CGGBP1: variants seen among roughly 807,000 people sequenced by gnomAD.
CGGBP1 encodes the protein CGG triplet repeat binding protein 1.
CGGBP1 carries 4 observed loss-of-function variants against 11.4 expected under a neutral mutation model. That is an observed-to-expected ratio of 0.35 (90% CI 0.17 to 0.80). The LOEUF is 0.80. CGGBP1 is among the 30% of genes least tolerant of loss of function. CGGBP1 has a pLI of 0.52. For synonymous variants in CGGBP1, 76 were observed against 74.1 expected (o/e 1.03, Z -0.13); for missense variants, 135 against 202.1 (o/e 0.67, Z 2.01).
intron 2 of CGGBP1, among the ~76,000 whole-genome samples, chr3:88,121,189 C>G (rs1413671579): frequency 1.3e-5 from 2 of 151,968 alleles, no homozygotes; most frequent in Non-Finnish European, 2.9e-5. Flanking sequence ...AAATGCCTTC[C>G]GTGAATTATG....
chr3:88,091,126 A>G (rs1310748732), intron 2 of CGGBP1, among the ~76,000 whole-genome samples: 1 of 152,202 alleles, frequency 6.6e-6, no homozygotes, highest in African/African-American at 2.4e-5. Flanking sequence ...GTGTATGTAC[A>G]TTAAGTGATG....
intron 2 of CGGBP1, among the ~76,000 whole-genome samples, chr3:88,070,974 TAATC>T (rs767777192): frequency 1.2e-4 from 18 of 152,240 alleles, no homozygotes; most frequent in Non-Finnish European, 1.5e-4. Context: ...ACATAAAACA[TAATC>T]AAGCTGAGGG....
chr3:88,059,825 A>AGTCCC (rs1559681742), upstream of CGGBP1, among the ~76,000 whole-genome samples: 1 of 152,058 alleles, frequency 6.6e-6, no homozygotes, highest in African/African-American at 2.4e-5. Context: ...CCTGCCCGAG[A>AGTCCC]GTCCCGCCTT....
chr3:88,082,555 C>G (rs1159063216), intron 2 of CGGBP1, among the ~76,000 whole-genome samples: 1 of 152,158 alleles, frequency 6.6e-6, no homozygotes, highest in Non-Finnish European at 1.5e-5. Context: ...CAATGGGAGT[C>G]TTCAAGGAGG....
At chr3:88,098,090 TA>T (rs1576270299) in intron 2 of CGGBP1, among the ~76,000 whole-genome samples, 1 of 151,722 alleles carries the variant, frequency 6.6e-6, no homozygotes, top group African/African-American at 2.4e-5. Flanking sequence ...CTAGCAAGAC[TA>T]ATAAAGAAGA....
rs1270152138 is a variant in CGGBP1 at position 88,054,437 on chromosome 3, T to C, written c.*1036A>G. 6.6e-6 allele frequency: 1 copy of C among 152,196 alleles called. No individual in the cohort carries two copies. The highest frequency in any genetic ancestry group is 1.5e-5 in the Non-Finnish European group (1 of 68,032). 9.4% of individuals were successfully genotyped at this position (152,196 alleles called of 1,614,324 possible). On this transcript the variant is annotated 3_prime_UTR_variant, in exon 4 of 4. Transcript: ENST00000482016. ...AATACAAAAAACCTGCCAGAATTTCTAGACAATTGTTTACCATCCATGTTA... is the reference window on the plus strand; with the variant it reads ...AATACAAAAAACCTGCCAGAATTTCCAGACAATTGTTTACCATCCATGTTA...
At chr3:88,141,859 G>A (rs1197863614) in intron 1 of CGGBP1, 2 of 402,610 alleles carry the variant, frequency 5.0e-6, no homozygotes, top group Non-Finnish European at 9.0e-6. Flanking sequence ...AACTCCCAAA[G>A]TACCAGTTTT....
intron 2 of CGGBP1, among the ~76,000 whole-genome samples, chr3:88,105,797 C>T (rs1335758105): frequency 8.6e-5 from 13 of 151,714 alleles, no homozygotes; most frequent in Admixed American, 7.9e-4. Context: ...TTTTTCATAT[C>T]CTTTGGTATG....
rs117707007 is a variant in CGGBP1, at chr3:88,087,867, C to G, written c.-228-29644G>C. Among the ~76,000 whole-genome samples, 16 of 152,288 alleles carry G rather than the reference C, an allele frequency of 1.1e-4. No individual in the cohort carries two copies. The East Asian group carries it at 3.1e-3, about 29-fold the overall frequency. On this transcript the variant is annotated intron_variant, in intron 2 of 3. Coordinates refer to the CGGBP1 transcript ENST00000462901. The stretch of plus-strand genomic sequence containing the variant: ...GCATTAGAGGTTGAGTATCCCTAAT[C>G]TGATAATCCAAAATCTGACATCTGA...
chr3:88,144,679 G>T (rs1707271879), intron 1 of CGGBP1: 1 of 152,294 alleles, frequency 6.6e-6, no homozygotes, highest in South Asian at 2.1e-4. Flanking sequence ...TCAATTTTAT[G>T]TAGTATATTG....
chr3:88,086,395 C>T (rs1338941470), intron 2 of CGGBP1: 1 of 1,523,806 alleles, frequency 6.6e-7, no homozygotes, highest in African/African-American at 1.4e-5. Flanking sequence ...TTTGAGTAGC[C>T]TTGCTGTGTA....
At chr3:88,146,148 C>G (rs1707308758) in intron 1 of CGGBP1, among the ~76,000 whole-genome samples, 1 of 152,150 alleles carries the variant, frequency 6.6e-6, no homozygotes, top group East Asian at 1.9e-4. Context: ...ATCAGCATCA[C>G]CTGGAAATTT....
rs764234010 is a variant in CGGBP1 at position 88,140,667 on chromosome 3, A to C, written c.-229+303T>G. On this transcript the variant is annotated intron_variant, in intron 2 of 3. Transcript: ENST00000462901. ...AGATCCTGCTTTGAAAATTGATACA[A>C]ACAGAATCAGGACAGAAAATGGTTC... 2.5e-6 allele frequency: 4 copies of C among 1,613,580 alleles called. No individual in the cohort carries two copies. In the African/African-American group the frequency reaches 4.0e-5, roughly 16 times the overall value.
Position 88,058,980 on chromosome 3 carries a change from G to C in CGGBP1, c.-496C>G, listed in dbSNP as rs1487426650. Reference sequence around the variant, plus strand: ...CGCGGCGGCCGCCGTGTCCCCCGCCGCGCCCCGTCCGCCTGCACCGCCTAT... The same window carrying C: ...CGCGGCGGCCGCCGTGTCCCCCGCCCCGCCCCGTCCGCCTGCACCGCCTAT... On this transcript the variant is annotated 5_prime_UTR_variant, in exon 1 of 4. Transcript: ENST00000482016. The C allele has an allele frequency of 4.4e-6, 1 of 229,284 alleles. No individual in the cohort carries two copies. Among genetic ancestry groups the C allele is most frequent in the African/African-American group, 2.3e-5 (1 of 43,828 alleles). The allele number at this position is 229,284 out of a possible 1,614,324, so 14.2% of individuals were successfully genotyped here.
At chr3:88,069,259 T>G (rs1237443148) in intron 2 of CGGBP1, among the ~76,000 whole-genome samples, 3 of 152,074 alleles carry the variant, frequency 2.0e-5, no homozygotes, top group Non-Finnish European at 2.9e-5. Context: ...CCATCTCTAC[T>G]AAAAATACAA....
At chr3:88,101,587 TC>T (rs1704430295) in intron 2 of CGGBP1, among the ~76,000 whole-genome samples, 1 of 152,192 alleles carries the variant, frequency 6.6e-6, no homozygotes, top group African/African-American at 2.4e-5. Flanking sequence ...ATTTATGCAT[TC>T]AGCAATTGAT....
At chr3:88,112,636 T>C (rs1048516234) in intron 2 of CGGBP1, among the ~76,000 whole-genome samples, 2 of 152,068 alleles carry the variant, frequency 1.3e-5, no homozygotes, top group African/African-American at 4.8e-5. Context: ...TGCTATAATA[T>C]AAATGTTGGC....
intron 2 of CGGBP1, among the ~76,000 whole-genome samples, chr3:88,130,859 A>C (rs985788170): frequency 6.6e-6 from 1 of 152,070 alleles, no homozygotes; most frequent in Non-Finnish European, 1.5e-5. Context: ...TTTGTTTTCT[A>C]GGGGTTACAG....
intron 2 of CGGBP1, among the ~76,000 whole-genome samples, chr3:88,077,331 A>AT (rs372006323): frequency 0.035 from 4,882 of 139,668 alleles, 231 homozygotes; most frequent in African/African-American, 0.073. Flanking sequence ...GCAGACTTAA[A>AT]TTGTTTTTTT....
Sources: gnomAD v4.1 joint callset for allele counts (sites outside exome capture counted in the v4.1 genomes callset) on GRCh38, gnomAD v4.1.1 for gene constraint, MANE v1.5 for transcripts, NCBI Gene and HGNC (gene_info 2026-07-23, HGNC 2026-07-21) for gene names.